GALNT7: variants seen among roughly 807,000 people sequenced by gnomAD.
GALNT7 encodes polypeptide N-acetylgalactosaminyltransferase 7.
GALNT7 carries 60 observed loss-of-function variants against 82.1 expected under a neutral mutation model. The observed-to-expected ratio is 0.73, with a 90% CI of 0.59 to 0.91. The LOEUF (loss-of-function observed/expected upper bound fraction) is 0.91, where lower values mean the gene tolerates loss of function less well. GALNT7 is among the 40% of genes least tolerant of loss of function. The pLI, the probability that GALNT7 is intolerant of heterozygous loss-of-function variation, is 0.00. For synonymous variants in GALNT7, 243 were observed against 275.1 expected, an observed-to-expected ratio of 0.88 and a Z score of 1.15; for missense variants, 660 against 804.2, an observed-to-expected ratio of 0.82 and a Z score of 2.17.
chr4:173,234,819 C>CA (rs930440154), intron 1 of GALNT7, among the ~76,000 whole-genome samples: 20 of 150,888 alleles, frequency 1.3e-4, no homozygotes, highest in Middle Eastern at 3.4e-3. Context: ...CAAAAGAAAA[C>CA]AAAAAAAAAC....
intron 1 of GALNT7, among the ~76,000 whole-genome samples, chr4:173,216,723 A>ATTTTTTTTTT (rs1561157857): frequency 2.4e-4 from 2 of 8,474 alleles, no homozygotes; most frequent in African/African-American, 3.5e-4. Context: ...ATATATATAT[A>ATTTTTTTTTT]TATATTTTTT....
chr4:173,290,115 G>C (rs943520492), intron 2 of GALNT7, among the ~76,000 whole-genome samples: 1 of 152,154 alleles, frequency 6.6e-6, no homozygotes, highest in Admixed American at 6.5e-5. Context: ...TGAGCTTACA[G>C]TCTTGAAAAT....
rs1736566174 is a variant in GALNT7 at position 173,292,167 on chromosome 4, A to G, written c.647A>G (p.His216Arg). The change falls in exon 3 of 12, where the codon CAT (histidine) becomes CGT (arginine). Residue 216 changes from histidine (H) to arginine (R), a missense_variant. Coordinates refer to ENST00000265000, the MANE Select transcript of GALNT7 (RefSeq NM_017423.3). The surrounding 1 kb of genome is among the most constrained non-coding windows in gnomAD (Gnocchi z 4.8). ...ACTTCGAGCGTTGTCATTGTCTTCC[A>G]TAATGAAGGATGGTCAACCCTCATG... ...LLTSSVVIVF[H>R]NEGWSTLMRT... is the part of the protein sequence containing the mutation. 3 of 1,607,920 alleles carry G rather than the reference A, an allele frequency of 1.9e-6. No homozygotes were observed. Among genetic ancestry groups the G allele is most frequent in the Non-Finnish European group, 2.6e-6 (3 of 1,175,802 alleles).
rs115893758 is a variant in GALNT7 at position 173,278,705 on chromosome 4, C to T, written c.588-13403C>T. 7.4e-3 allele frequency among the ~76,000 whole-genome samples: 1,125 copies of T among 152,300 alleles called. 17 individuals are homozygous for T. Among genetic ancestry groups the T allele is most frequent in the African/African-American group, 0.025 (1,055 of 41,556 alleles). On this transcript the variant is annotated intron_variant, in intron 2 of 11. Coordinates refer to ENST00000265000, the MANE Select transcript of GALNT7 (RefSeq NM_017423.3). ...GCAATATGATATAGTTGCAAAAATA[C>T]AGTGCCAATATAATTTTAGATTATA...
At chr4:173,218,923 A>G (rs1055667021) in intron 1 of GALNT7, among the ~76,000 whole-genome samples, 1 of 152,052 alleles carries the variant, frequency 6.6e-6, no homozygotes, top group Admixed American at 6.6e-5. Context: ...CTCTCCCCTC[A>G]AGCAGTCACC....
Position 173,321,567 on chromosome 4 carries a change from C to G in GALNT7, c.1837-13C>G. The G allele has an allele frequency of 6.2e-7, 1 of 1,604,228 alleles. No individual in the cohort carries two copies. Among genetic ancestry groups the G allele is most frequent in the Non-Finnish European group, 8.5e-7 (1 of 1,173,460 alleles). ...GTCCAAATTTGAAACTTTTTTCTTA[C>G]TGTGTTTTCCAGAACCTGCACAGAT... On this transcript the variant is annotated splice_polypyrimidine_tract_variant and intron_variant, in intron 11 of 11. Coordinates refer to ENST00000265000, the MANE Select transcript of GALNT7 (RefSeq NM_017423.3).
intron 1 of GALNT7, among the ~76,000 whole-genome samples, chr4:173,173,535 G>A (rs1561140495): frequency 6.6e-6 from 1 of 152,154 alleles, no homozygotes; most frequent in Admixed American, 6.5e-5. Flanking sequence ...CAGACTGGGG[G>A]AGTTGGGTTG....
At chr4:173,280,801 T>A (rs1252629533) in intron 2 of GALNT7, among the ~76,000 whole-genome samples, 1 of 152,216 alleles carries the variant, frequency 6.6e-6, no homozygotes, top group Admixed American at 6.5e-5. Context: ...TTTACCTCAA[T>A]ACAATGGGCA....
At chr4:173,261,994 A>T (rs573331581) in intron 2 of GALNT7, among the ~76,000 whole-genome samples, 11 of 152,282 alleles carry the variant, frequency 7.2e-5, no homozygotes, top group East Asian at 1.9e-4. Flanking sequence ...TAATTTTTTT[A>T]AAATTAAAAG....
At chr4:173,179,255 G>A (rs1732172475) in intron 1 of GALNT7, among the ~76,000 whole-genome samples, 1 of 152,114 alleles carries the variant, frequency 6.6e-6, no homozygotes, top group African/African-American at 2.4e-5. Context: ...TTTTTGGAGC[G>A]AGTTCACTCT....
intron 8 of GALNT7, among the ~76,000 whole-genome samples, chr4:173,312,501 T>G (rs1234877180): frequency 6.6e-6 from 1 of 152,160 alleles, no homozygotes; most frequent in East Asian, 1.9e-4. Flanking sequence ...CCCCCTCACC[T>G]CCATAGGAGG....
Position 173,313,901 on chromosome 4 carries a change from A to G in GALNT7, c.1390-57A>G, listed in dbSNP as rs111539002. 8.1e-4 allele frequency: 649 copies of G among 802,810 alleles called. 5 individuals carry two copies. The African/African-American group carries it at 0.01, about 13-fold the overall frequency. 49.7% of individuals were successfully genotyped at this position (802,810 alleles called of 1,614,324 possible). A position where few individuals can be genotyped will look rare whatever the true frequency, so the allele number is the denominator to read the frequency against. On this transcript the variant is annotated intron_variant, in intron 8 of 11. Transcript: ENST00000265000. Reference sequence around the variant, plus strand: ...TTCATGTGTCTAATATAGGCTGTTTATGATATGACATTTGTATTTTTATAA... The same window carrying G: ...TTCATGTGTCTAATATAGGCTGTTTGTGATATGACATTTGTATTTTTATAA...
intron 1 of GALNT7, among the ~76,000 whole-genome samples, chr4:173,213,297 G>C (rs1463038773): frequency 2.6e-5 from 4 of 151,918 alleles, no homozygotes; most frequent in African/African-American, 9.7e-5. Context: ...TGATCCCTCA[G>C]CTCTGTGCTA....
At chr4:173,318,136 T>C (rs943889934) in intron 10 of GALNT7, among the ~76,000 whole-genome samples, 1 of 152,184 alleles carries the variant, frequency 6.6e-6, no homozygotes, top group Non-Finnish European at 1.5e-5. Context: ...CTCTTACTTA[T>C]GTGGGTATGT....
Position 173,323,837 on chromosome 4 carries a change from C to G in GALNT7, c.*2120C>G, listed in dbSNP as rs1737910236. The G allele has an allele frequency of 6.6e-6, 1 of 152,556 alleles. No individual in the cohort carries two copies. The highest frequency in any genetic ancestry group is 1.5e-5 in the Non-Finnish European group (1 of 67,990). The allele number at this position is 152,556 out of a possible 1,614,324, so 9.5% of individuals were successfully genotyped here. On this transcript the variant is annotated 3_prime_UTR_variant, in exon 12 of 12. Transcript: ENST00000265000. ...TTTGATTTATGCAGATTTTGATACA[C>G]TGTATGTTTCTGTAGAAATTGTATA...
At chr4:173,317,961 A>T (rs1736331846) in intron 10 of GALNT7, among the ~76,000 whole-genome samples, 1 of 152,236 alleles carries the variant, frequency 6.6e-6, no homozygotes, top group African/African-American at 2.4e-5. Flanking sequence ...ATTAATGTCT[A>T]ATATAAGGGA....
At chr4:173,183,477 A>AT (rs1400502633) in intron 1 of GALNT7, among the ~76,000 whole-genome samples, 2 of 149,834 alleles carry the variant, frequency 1.3e-5, no homozygotes, top group African/African-American at 5.1e-5. Flanking sequence ...ACGTGGGCTT[A>AT]ATTTTTTTTT....
chr4:173,262,588 T>G (rs1408185167), intron 2 of GALNT7, among the ~76,000 whole-genome samples: 4 of 152,236 alleles, frequency 2.6e-5, no homozygotes, highest in Non-Finnish European at 5.9e-5. Flanking sequence ...CAGTTGTTTT[T>G]GTTGAAGTGA....
intron 1 of GALNT7, among the ~76,000 whole-genome samples, chr4:173,239,230 CTT>C (rs1386634782): frequency 6.6e-6 from 1 of 152,170 alleles, no homozygotes; most frequent in Non-Finnish European, 1.5e-5. Flanking sequence ...AATGTTTTCA[CTT>C]ATCTCATTTG....
Sources: allele counts gnomAD v4.1 joint callset (sites outside exome capture counted in the v4.1 genomes callset), GRCh38; gene constraint gnomAD v4.1.1; non-coding constraint Gnocchi (gnomAD v3.1); transcripts MANE v1.5; gene names NCBI Gene and HGNC (gene_info 2026-07-23, HGNC 2026-07-21).